The following TRAPPC9 variants were observed in gnomAD, a reference collection of about 807,000 sequenced individuals.
TRAPPC9 encodes the protein trafficking protein particle complex subunit 9.
TRAPPC9 carries 83 observed loss-of-function variants against 124.0 expected under a neutral mutation model. The observed-to-expected ratio is 0.67, with a 90% CI of 0.56 to 0.80. The LOEUF (loss-of-function observed/expected upper bound fraction) is 0.80. Among genes scored for constraint, TRAPPC9 ranks in the 30% least tolerant of loss-of-function variants. The pLI is 0.00. For missense variants in TRAPPC9, 1,302 were observed against 1,508.3 expected (o/e 0.86, Z 2.27); for synonymous variants, 638 against 617.5 (o/e 1.03, Z -0.49).
chr8:140,117,321 G>A (rs1031929811), intron 17 of TRAPPC9, among the ~76,000 whole-genome samples: 1 of 152,164 alleles, frequency 6.6e-6, no homozygotes, highest in African/African-American at 2.4e-5. Context: ...CCTAAGACTG[G>A]GTAATTTATA....
At chr8:140,100,127 A>C (rs2060548556) in intron 17 of TRAPPC9, 2 of 144,044 alleles carry the variant, frequency 1.4e-5, no homozygotes, top group Admixed American at 6.9e-5. Context: ...GGAGTGCCGC[A>C]ATCTTCAGGG....
chr8:140,289,848 G>A (rs11991159), intron 12 of TRAPPC9, among the ~76,000 whole-genome samples: 18,251 of 152,210 alleles, frequency 0.12, 1,555 homozygotes, highest in African/African-American at 0.24. Context: ...CAGGAGGAGA[G>A]GCGCTCCTCC....
At chr8:139,860,271 G>A (rs1035451679) in intron 21 of TRAPPC9, among the ~76,000 whole-genome samples, 4 of 152,184 alleles carry the variant, frequency 2.6e-5, no homozygotes, top group South Asian at 2.1e-4. Context: ...AAGACCAGCC[G>A]GGTATGACCC....
In TRAPPC9 at chr8:140,197,758, C is replaced by T. The variant is rs1053567353; in HGVS notation, c.2556+23701G>A. Among the ~76,000 whole-genome samples, 6 of 151,994 alleles carry T rather than the reference C, an allele frequency of 3.9e-5. No homozygotes were observed. The East Asian group carries it at 1.2e-3, about 29-fold the overall frequency. ...GAATATAAAACAAAAGAGAACAGAA[C>T]AAAAGAAAACAACGCGAGATTTGTC... On this transcript the variant is annotated intron_variant, in intron 17 of 22. Coordinates refer to ENST00000438773, the MANE Select transcript of TRAPPC9 (RefSeq NM_001160372.4).
At chr8:140,237,926 C>T (rs1054163883) in intron 16 of TRAPPC9, among the ~76,000 whole-genome samples, 18 of 152,172 alleles carry the variant, frequency 1.2e-4, no homozygotes, top group African/African-American at 3.4e-4. Context: ...GACGCGGACA[C>T]GAGGAGAAGG....
At chr8:139,751,427 C>T (rs896832293) in intron 21 of TRAPPC9, among the ~76,000 whole-genome samples, 1 of 152,206 alleles carries the variant, frequency 6.6e-6, no homozygotes, top group South Asian at 2.1e-4. Context: ...GGGCCATGCC[C>T]TAGCCTTGCT....
At chr8:140,073,536 C>T (rs1443952657) in intron 17 of TRAPPC9, among the ~76,000 whole-genome samples, 1 of 152,098 alleles carries the variant, frequency 6.6e-6, no homozygotes, top group Non-Finnish European at 1.5e-5. Flanking sequence ...CTCTAGTTAG[C>T]GTATGGGGAT....
intron 9 of TRAPPC9, among the ~76,000 whole-genome samples, chr8:140,351,162 G>A (rs1000084426): frequency 8.7e-6 from 1 of 114,332 alleles, no homozygotes; most frequent in Admixed American, 1.1e-4. Flanking sequence ...AAGGAGAAGC[G>A]ACAACGGATG....
At chr8:140,221,436 T>C (rs1178679551) in intron 17 of TRAPPC9, 23 bp downstream of exon 17, 3 of 1,613,724 alleles carry the variant, frequency 1.9e-6, no homozygotes, top group East Asian at 2.2e-5. Context: ...ACGTGGCAGA[T>C]GCCGTCTGCC....
At chr8:140,349,222 A>C (rs28515830) in intron 9 of TRAPPC9, among the ~76,000 whole-genome samples, 1 of 52,210 alleles carries the variant, frequency 1.9e-5, no homozygotes, top group South Asian at 6.8e-4. Context: ...AGGGCACAGA[A>C]GGGGGCCGAA....
At chr8:140,345,716 C>G (rs2067328808) in intron 9 of TRAPPC9, among the ~76,000 whole-genome samples, 2 of 152,196 alleles carry the variant, frequency 1.3e-5, no homozygotes, top group African/African-American at 2.4e-5. Context: ...GCCACTCACT[C>G]CATATGAGAA....
chr8:140,231,859 T>C (rs1224127261), intron 16 of TRAPPC9, among the ~76,000 whole-genome samples: 1 of 152,074 alleles, frequency 6.6e-6, no homozygotes, highest in Admixed American at 6.6e-5. Flanking sequence ...TCAGTAATTA[T>C]TCCCACAGAA....
In TRAPPC9 at chr8:139,802,319, G is replaced by A. The variant is rs879836922; in HGVS notation, c.3056-70117C>T. On this transcript the variant is annotated intron_variant, in intron 21 of 22. Transcript: ENST00000438773. ...ACCTCCGCTTTGCTGGCCCCACGGG[G>A]ACTGGCTTTTCACTAGGGGTGGAGG... Among the ~76,000 whole-genome samples, 9 of 152,218 alleles carry A rather than the reference G, an allele frequency of 5.9e-5. 1 individual carries two copies. In the South Asian group the frequency reaches 1.0e-3, roughly 18 times the overall value.
intron 17 of TRAPPC9, among the ~76,000 whole-genome samples, chr8:140,036,151 C>T (rs1312453111): frequency 6.6e-6 from 1 of 151,908 alleles, no homozygotes; most frequent in East Asian, 1.9e-4. Context: ...AGGGGACCCA[C>T]GCCTGTGCTC....
At chr8:140,233,542 C>T (rs1198891106) in intron 16 of TRAPPC9, among the ~76,000 whole-genome samples, 1 of 150,718 alleles carries the variant, frequency 6.6e-6, no homozygotes, top group Non-Finnish European at 1.5e-5. Flanking sequence ...TCTCCCCTCC[C>T]TCCCTTCCTC....
At chr8:140,317,610 A>G (rs1363278105) in intron 9 of TRAPPC9, among the ~76,000 whole-genome samples, 1 of 152,238 alleles carries the variant, frequency 6.6e-6, no homozygotes, top group Non-Finnish European at 1.5e-5. Context: ...CACAGTGATA[A>G]GATTATAAGT....
intron 17 of TRAPPC9, among the ~76,000 whole-genome samples, chr8:140,152,603 C>T (rs889030185): frequency 1.3e-5 from 2 of 151,630 alleles, no homozygotes; most frequent in African/African-American, 4.8e-5. Flanking sequence ...CTCCTGACCT[C>T]GTGATCCACC....
chr8:140,201,906 G>A (rs537961651), intron 17 of TRAPPC9, among the ~76,000 whole-genome samples: 60 of 152,122 alleles, frequency 3.9e-4, no homozygotes, highest in Middle Eastern at 6.8e-3. Flanking sequence ...AGCTGGCCCT[G>A]GTATGTCAGG....
intron 21 of TRAPPC9, among the ~76,000 whole-genome samples, chr8:139,811,800 G>T (rs537555146): frequency 6.6e-6 from 1 of 152,254 alleles, no homozygotes; most frequent in African/African-American, 2.4e-5. Context: ...ATTTGAGGGA[G>T]ATTTAAGATA....
Sources: allele counts gnomAD v4.1 joint callset (sites outside exome capture counted in the v4.1 genomes callset), GRCh38; gene constraint gnomAD v4.1.1; transcripts MANE v1.5; gene names NCBI Gene and HGNC (gene_info 2026-07-23, HGNC 2026-07-21).